The following SDR42E1 variants were observed in gnomAD, a reference collection of about 807,000 sequenced individuals.
SDR42E1 encodes short chain dehydrogenase/reductase family 42E, member 1.
SDR42E1 carries 5 observed loss-of-function variants against 2.6 expected under a neutral mutation model. That is an observed-to-expected ratio of 1.94 (90% CI 1.01 to 4.08). The LOEUF is 4.08. Among genes scored for constraint, SDR42E1 ranks in the 30% most tolerant of loss-of-function variants. The pLI is 0.00. For synonymous variants in SDR42E1, 231 were observed against 188.3 expected, an observed-to-expected ratio of 1.23 and a Z score of -1.86; for missense variants, 596 against 478.6, an observed-to-expected ratio of 1.25 and a Z score of -2.29.
rs1319307059 is a variant in SDR42E1, at chr16:81,998,565, G to A, written c.*546C>T. On this transcript the variant is annotated 3_prime_UTR_variant, in exon 3 of 3. Transcript: ENST00000328945. Reference sequence around the variant, plus strand: ...TACCATGTGTTCACATAGGCATAATGCCCTGATATCATAAAGGGCAAAAGT... The same window carrying A: ...TACCATGTGTTCACATAGGCATAATACCCTGATATCATAAAGGGCAAAAGT... 2 of 155,578 alleles carry A rather than the reference G, an allele frequency of 1.3e-5. No individual in the cohort carries two copies. Among genetic ancestry groups the A allele is most frequent in the African/African-American group, 4.8e-5 (2 of 41,444 alleles). The allele number at this position is 155,578 out of a possible 1,614,324, so 9.6% of individuals were successfully genotyped here. A position where few individuals can be genotyped will look rare whatever the true frequency, so the allele number is the denominator to read the frequency against.
At position 81,998,836 on chromosome 16, in the gene SDR42E1, T is replaced by C; in HGVS notation, c.*275A>G. On this transcript the variant is annotated 3_prime_UTR_variant, in exon 3 of 3. Transcript: ENST00000328945. The stretch of plus-strand genomic sequence containing the variant: ...TGGGCATCTCCAACTCAACTAAGCC[T>C]ACTTCTATGGCTCCAAACTGACTTC... 1 of 421,824 alleles carries C rather than the reference T, an allele frequency of 2.4e-6. No homozygotes were observed. The highest frequency in any genetic ancestry group is 4.2e-6 in the Non-Finnish European group (1 of 238,482). 26.1% of individuals were successfully genotyped at this position (421,824 alleles called of 1,614,324 possible).
Position 81,999,895 on chromosome 16 carries a change from A to G in SDR42E1, c.398T>C (p.Ile133Thr), listed in dbSNP as rs201686460. ...GGGCAGAGATTCATCCCCATTTCTG[A>G]TAACTTGACCTCCAAAGATGACATT... Reference protein sequence around the residue: ...TFNVIFGGQVIRNGDESLPYL... With the variant: ...TFNVIFGGQVTRNGDESLPYL... Residue 133 changes from isoleucine (I) to threonine (T), a missense_variant, in exon 3 of 3, where the codon ATC becomes ACC. Physicochemically the swap from Ile to Thr is moderately conservative, Grantham distance 89. Transcript: ENST00000328945. 56 of 1,614,216 alleles carry G rather than the reference A, an allele frequency of 3.5e-5. No individual in the cohort carries two copies. In the African/African-American group the frequency reaches 6.9e-4, roughly 20 times the overall value.
chr16:82,003,721 C>G (rs543014208), intron 1 of SDR42E1, among the ~76,000 whole-genome samples: 26 of 152,304 alleles, frequency 1.7e-4, no homozygotes, highest in African/African-American at 6.0e-4. Flanking sequence ...TTTGTTTTCT[C>G]TATGGAACAT....
chr16:81,999,630 C>G lies in SDR42E1; in HGVS notation c.663G>C (p.Glu221Asp), dbSNP rs1282714048. The G allele has an allele frequency of 6.2e-7, 1 of 1,614,188 alleles. No homozygotes were observed. Among genetic ancestry groups the G allele is most frequent in the Middle Eastern group, 1.7e-4 (1 of 6,056 alleles). ...GCACCAAGTTATCCACGTGGACAAA[C>G]TCAACCAGGCTCCTGGGGTCCCCGT... Reference protein sequence around the residue: ...FVYGDPRSLVEFVHVDNLVQA... With the variant: ...FVYGDPRSLVDFVHVDNLVQA... The change falls in exon 3 of 3, where the codon GAG (glutamate) becomes GAC (aspartate). Residue 221 changes from glutamate (E) to aspartate (D), a missense_variant. By Grantham distance (45) the Glu-to-Asp change is conservative (BLOSUM62 2). Transcript: ENST00000328945.
At chr16:82,010,823 T>C (rs1481320588) in intron 1 of SDR42E1, among the ~76,000 whole-genome samples, 2 of 152,226 alleles carry the variant, frequency 1.3e-5, no homozygotes, top group Non-Finnish European at 2.9e-5. Context: ...GTCTTCAACC[T>C]TGGCAAAATA....
intron 1 of SDR42E1, among the ~76,000 whole-genome samples, chr16:82,004,349 C>G (rs74029338): frequency 0.042 from 6,341 of 152,170 alleles, 422 homozygotes; most frequent in African/African-American, 0.14. Context: ...AAATGGATCA[C>G]ATGCAGGGAA....
At chr16:82,007,539 G>A (rs1912980937) in intron 1 of SDR42E1, 1 of 152,182 alleles carries the variant, frequency 6.6e-6, no homozygotes, top group South Asian at 2.1e-4. Flanking sequence ...GTAGAGCAGG[G>A]ATCTGTACCA....
chr16:82,011,301 C>G (rs1392833882), intron 1 of SDR42E1, 86 bp downstream of exon 1: 3 of 152,390 alleles, frequency 2.0e-5, no homozygotes, highest in Non-Finnish European at 4.4e-5. Flanking sequence ...CCCCCGGGAC[C>G]GCCACCTGTC....
intron 1 of SDR42E1, 117 bp from the exon 2 acceptor site, chr16:82,001,001 C>A (rs1009918795): frequency 1.1e-4 from 72 of 639,794 alleles, no homozygotes; most frequent in Non-Finnish European, 1.6e-4. Flanking sequence ...AAGGTGAGGT[C>A]TGGGTCTGGT....
In SDR42E1 at chr16:81,999,471, GC is replaced by G; in HGVS notation, c.821del (p.Gly274AlafsTer11). 6.2e-7 allele frequency: 1 copy of G among 1,614,150 alleles called. No individual in the cohort carries two copies. The highest frequency in any genetic ancestry group is 1.1e-5 in the South Asian group (1 of 91,086). ...EFFRPLVEGL[G>X]YTFPSTRLPL... ...GCAGGCGGGTAGACGGGAATGTGTAGCCCAGGCCCTCAACCAGAGGCCGGAA... is the reference window on the plus strand; with the variant it reads ...GCAGGCGGGTAGACGGGAATGTGTAGCCAGGCCCTCAACCAGAGGCCGGAA... On this transcript the variant is annotated frameshift_variant, in exon 3 of 3. Coordinates refer to ENST00000328945, the MANE Select transcript of SDR42E1 (RefSeq NM_145168.3). LOFTEE classifies it low-confidence loss of function (END_TRUNC).
chr16:81,999,234 A>C lies in SDR42E1; in HGVS notation c.1059T>G (p.His353Gln), dbSNP rs1912641506. Reference sequence around the variant, plus strand: ...GACTTCCAGAACTTCTGCCATGACCATGGGCTTTAAACCATTCCACTGCTT... The same window carrying C: ...GACTTCCAGAACTTCTGCCATGACCCTGGGCTTTAAACCATTCCACTGCTT... ...LQEAVEWFKAHGHGRSSGSRD... is the reference protein window; with the variant it reads ...LQEAVEWFKAQGHGRSSGSRD... Residue 353 changes from histidine to glutamine, a missense_variant, in exon 3 of 3, where the codon CAT (histidine) becomes CAG (glutamine). Coordinates refer to ENST00000328945, the MANE Select transcript of SDR42E1 (RefSeq NM_145168.3). The C allele has an allele frequency of 1.2e-6, 2 of 1,614,194 alleles. No individual in the cohort carries two copies. The highest frequency in any genetic ancestry group is 2.2e-5 in the South Asian group (2 of 91,080).
chr16:82,004,800 T>C (rs182064805), intron 1 of SDR42E1, among the ~76,000 whole-genome samples: 1 of 152,306 alleles, frequency 6.6e-6, no homozygotes, highest in East Asian at 1.9e-4. Flanking sequence ...GTAAGGGAGA[T>C]GTGGCTCTAG....
chr16:81,989,022 T>C lies in SDR42E1; in HGVS notation c.*10089A>G, dbSNP rs1912368731. On this transcript the variant is annotated 3_prime_UTR_variant, in exon 3 of 3. Coordinates refer to ENST00000328945, the MANE Select transcript of SDR42E1 (RefSeq NM_145168.3). ...TACATCTGTTATGAAAAATGCTTAA[T>C]TCTTCATATAACTATGTGTCTTATA... 1 of 152,198 alleles carries C rather than the reference T, an allele frequency of 6.6e-6. No individual in the cohort carries two copies. The highest frequency in any genetic ancestry group is 1.5e-5 in the Non-Finnish European group (1 of 68,028). 9.4% of individuals were successfully genotyped at this position (152,198 alleles called of 1,614,324 possible). A position where few individuals can be genotyped will look rare whatever the true frequency, so the allele number is the denominator to read the frequency against.
At position 81,999,705 on chromosome 16, in the gene SDR42E1, G is replaced by T. The variant is rs746113267; in HGVS notation, c.588C>A (p.His196Gln). The T allele has an allele frequency of 6.2e-7, 1 of 1,614,186 alleles. No homozygotes were observed. Among genetic ancestry groups the T allele is most frequent in the Admixed American group, 1.7e-5 (1 of 60,020 alleles). The change falls in exon 3 of 3, where the codon CAC (histidine) becomes CAA (glutamine). Residue 196 changes from histidine (H) to glutamine (Q), a missense_variant. By Grantham distance (24) the His-to-Gln change is conservative. Transcript: ENST00000328945. ...AGIYGPGEQR[H>Q]LPRIVSYIEK... is the part of the protein sequence containing the mutation. The stretch of plus-strand genomic sequence containing the variant: ...CGATGTAGCTGACTATCCTGGGAAG[G>T]TGTCTTTGTTCTCCAGGCCCATAGA...
rs1912446207 is a variant in SDR42E1 at position 81,992,317 on chromosome 16, A to G, written c.*6794T>C. 6.6e-6 allele frequency: 1 copy of G among 152,200 alleles called. No homozygotes were observed. The highest frequency in any genetic ancestry group is 1.5e-5 in the Non-Finnish European group (1 of 68,054). The allele number at this position is 152,200 out of a possible 1,614,324, so 9.4% of individuals were successfully genotyped here. On this transcript the variant is annotated 3_prime_UTR_variant, in exon 3 of 3. Transcript: ENST00000328945. ...CATGTTGAACATTCCCAGAAGCTAAATCCCCTATGAAAGGCACAGGACTAT... is the reference window on the plus strand; with the variant it reads ...CATGTTGAACATTCCCAGAAGCTAAGTCCCCTATGAAAGGCACAGGACTAT...
At chr16:82,011,220 G>C (rs890771961) in intron 1 of SDR42E1, among the ~76,000 whole-genome samples, 167 bp downstream of exon 1, 1 of 152,148 alleles carries the variant, frequency 6.6e-6, no homozygotes, top group African/African-American at 2.4e-5. Flanking sequence ...CGGTCCCCTG[G>C]GATCAGGAAG....
rs772892529 is a variant in SDR42E1 at position 81,999,736 on chromosome 16, G to A, written c.557C>T (p.Ala186Val). 3.1e-6 allele frequency: 5 copies of A among 1,614,094 alleles called. No individual in the cohort carries two copies. In the African/African-American group the frequency reaches 6.7e-5, roughly 22 times the overall value. ...TTGTTCTCCAGGCCCATAGATGCCA[G>A]CTGGCCTCAGAGCGCAGGTTCTTAA... ...GVLRTCALRP[A>V]GIYGPGEQRH... is the part of the protein sequence containing the mutation. The change falls in exon 3 of 3, where the codon GCT becomes GTT. Residue 186 changes from alanine to valine, a missense_variant. Coordinates refer to ENST00000328945, the MANE Select transcript of SDR42E1 (RefSeq NM_145168.3).
intron 1 of SDR42E1, among the ~76,000 whole-genome samples, chr16:82,008,059 G>A (rs1163409577): frequency 6.6e-6 from 1 of 152,140 alleles, no homozygotes; most frequent in Non-Finnish European, 1.5e-5. Context: ...CTATTCTCAT[G>A]ATAGTAAGTC....
chr16:82,007,010 A>T (rs1403437942), intron 1 of SDR42E1, among the ~76,000 whole-genome samples: 1 of 152,254 alleles, frequency 6.6e-6, no homozygotes, highest in African/African-American at 2.4e-5. Flanking sequence ...TTCTGCCTAG[A>T]TACTTGTGGC....
Sources: allele counts gnomAD v4.1 joint callset (sites outside exome capture counted in the v4.1 genomes callset), GRCh38; gene constraint gnomAD v4.1.1; transcripts MANE v1.5; gene names NCBI Gene and HGNC (gene_info 2026-07-23, HGNC 2026-07-21).